NCALD: variants seen among roughly 807,000 people sequenced by gnomAD.
NCALD encodes the protein neurocalcin-delta.
A neutral mutation model predicts 18.6 loss-of-function variants in NCALD; 10 were observed. The ratio of observed to expected loss-of-function variants is 0.54; its 90% CI spans 0.33 to 0.91. The LOEUF is 0.91. Among genes scored for constraint, NCALD ranks in the 40% least tolerant of loss-of-function variants. The probability of loss-of-function intolerance (pLI) is 0.03; values close to 1 mark genes in which losing one functional copy is unlikely to be tolerated. For missense variants in NCALD, 184 were observed against 247.6 expected (o/e 0.74, Z 1.72); for synonymous variants, 88 against 87.4 (o/e 1.01, Z -0.04).
intron 1 of NCALD, among the ~76,000 whole-genome samples, chr8:102,122,260 G>C (rs757580496): frequency 2.0e-5 from 3 of 152,202 alleles, no homozygotes; most frequent in African/African-American, 7.2e-5. Context: ...GAGGCTACGT[G>C]GGGGGAGGCT....
intron 4 of NCALD, among the ~76,000 whole-genome samples, chr8:101,860,938 G>A (rs963767020): frequency 2.0e-5 from 3 of 152,072 alleles, no homozygotes; most frequent in Non-Finnish European, 2.9e-5. Flanking sequence ...TAAGCTGGTT[G>A]TAAAATACAG....
rs76637186 is a variant in NCALD, at chr8:101,946,066, C to T, written c.-156-30208G>A. Among the ~76,000 whole-genome samples the T allele has an allele frequency of 2.3e-4, 35 of 152,218 alleles. No individual in the cohort carries two copies. The East Asian group carries it at 6.6e-3, about 29-fold the overall frequency. On this transcript the variant is annotated intron_variant, in intron 2 of 6. Coordinates refer to the NCALD transcript ENST00000311028. ...TTCTGAAAAAGAGATGGAGGAAAAT[C>T]TGCCTTTTACTTTCTTTTGGTTCCC...
intron 3 of NCALD, among the ~76,000 whole-genome samples, chr8:101,891,745 G>T (rs1241540207): frequency 2.0e-5 from 3 of 152,194 alleles, no homozygotes; most frequent in Non-Finnish European, 4.4e-5. Context: ...TCAAAGAAAG[G>T]GGTGATGGAC....
chr8:102,006,226 C>T (rs1284246385), intron 2 of NCALD, among the ~76,000 whole-genome samples: 1 of 152,080 alleles, frequency 6.6e-6, no homozygotes, highest in African/African-American at 2.4e-5. Context: ...ATCATTAACC[C>T]ACTAAAAGGA....
At chr8:101,870,321 C>G (rs558322700) in intron 4 of NCALD, among the ~76,000 whole-genome samples, 2 of 152,056 alleles carry the variant, frequency 1.3e-5, no homozygotes, top group African/African-American at 4.8e-5. Context: ...AATAAGAAAA[C>G]CTTTTCCCAT....
chr8:101,934,540 T>C (rs1818690020), intron 2 of NCALD, among the ~76,000 whole-genome samples: 1 of 151,902 alleles, frequency 6.6e-6, no homozygotes, highest in Non-Finnish European at 1.5e-5. Context: ...GAGGAAAGTC[T>C]AGAGAAAATG....
intron 2 of NCALD, among the ~76,000 whole-genome samples, chr8:101,941,976 C>A (rs981276983): frequency 6.6e-6 from 1 of 152,160 alleles, no homozygotes; most frequent in Non-Finnish European, 1.5e-5. Context: ...AATGACTCAT[C>A]TTTTTCTCAG....
intron 4 of NCALD, among the ~76,000 whole-genome samples, chr8:101,834,917 G>A (rs758391427): frequency 6.6e-6 from 1 of 152,196 alleles, no homozygotes; most frequent in Admixed American, 6.5e-5. Flanking sequence ...ACAGGGTGAA[G>A]CACCTGAAGT....
chr8:102,110,955 G>A (rs1290273412), intron 1 of NCALD, among the ~76,000 whole-genome samples: 6 of 151,952 alleles, frequency 3.9e-5, no homozygotes, highest in African/African-American at 4.8e-5. Context: ...TGTTTGGGAC[G>A]TATGGTTAAA....
intron 4 of NCALD, among the ~76,000 whole-genome samples, chr8:101,870,907 C>A (rs1028884518): frequency 1.1e-5 from 1 of 92,524 alleles, no homozygotes; most frequent in Non-Finnish European, 2.1e-5. Context: ...ACCCCCCCCC[C>A]CCAAAAAAAG....
At chr8:102,094,900 G>C (rs1368019382) in intron 1 of NCALD, among the ~76,000 whole-genome samples, 1 of 152,202 alleles carries the variant, frequency 6.6e-6, no homozygotes, top group African/African-American at 2.4e-5. Context: ...AGAAGCTAGG[G>C]AGATGCAAGA....
At chr8:101,872,916 ATGAG>A (rs1315132323) in intron 4 of NCALD, among the ~76,000 whole-genome samples, 5 of 152,176 alleles carry the variant, frequency 3.3e-5, no homozygotes, top group Admixed American at 2.6e-4. Context: ...CTCACATCAT[ATGAG>A]AGAGAGACTC....
intron 2 of NCALD, among the ~76,000 whole-genome samples, chr8:101,938,205 T>A (rs1038364386): frequency 2.6e-5 from 4 of 152,266 alleles, no homozygotes; most frequent in African/African-American, 9.6e-5. Flanking sequence ...TGACATAATA[T>A]TAGCCTCATT....
upstream of NCALD, among the ~76,000 whole-genome samples, chr8:101,793,956 A>G (rs1297103190): frequency 6.6e-6 from 1 of 152,128 alleles, no homozygotes; most frequent in Non-Finnish European, 1.5e-5. Flanking sequence ...GTTTGTACAT[A>G]GGGATGTTGC....
At chr8:101,889,898 G>T (rs1586699576) in intron 3 of NCALD, among the ~76,000 whole-genome samples, 1 of 152,278 alleles carries the variant, frequency 6.6e-6, no homozygotes, top group East Asian at 1.9e-4. Context: ...GTTGTAAAAA[G>T]CAAAAGGTTT....
chr8:101,912,819 G>A (rs1817847454), intron 3 of NCALD, among the ~76,000 whole-genome samples: 1 of 152,178 alleles, frequency 6.6e-6, no homozygotes, highest in East Asian at 1.9e-4. Context: ...ACGAAATATG[G>A]CAAAGCCAAT....
intron 2 of NCALD, among the ~76,000 whole-genome samples, chr8:101,971,826 T>C (rs1391782672): frequency 1.3e-5 from 2 of 152,208 alleles, no homozygotes; most frequent in African/African-American, 4.8e-5. Context: ...CTTGACTCTA[T>C]TTTTATTTAC....
chr8:101,800,428 AT>A (rs1812796027), intron 4 of NCALD, among the ~76,000 whole-genome samples: 1 of 152,072 alleles, frequency 6.6e-6, no homozygotes, highest in Admixed American at 6.5e-5. Flanking sequence ...AGAAAAAATA[AT>A]TTTAAAAATT....
chr8:101,942,962 T>C (rs1819013534), intron 2 of NCALD, among the ~76,000 whole-genome samples: 2 of 152,190 alleles, frequency 1.3e-5, no homozygotes, highest in South Asian at 4.1e-4. Context: ...AGTGGCTGAC[T>C]GCAGAGCCTC....
Sources: allele counts gnomAD v4.1 joint callset (sites outside exome capture counted in the v4.1 genomes callset), GRCh38; gene constraint gnomAD v4.1.1; transcripts MANE v1.5; gene names NCBI Gene and HGNC (gene_info 2026-07-23, HGNC 2026-07-21).